The following ITGA9 variants were observed in gnomAD, a reference collection of about 807,000 sequenced individuals.
ITGA9 encodes the protein integrin alpha-9.
Under a neutral mutation model 127.8 loss-of-function variants are expected in ITGA9, and 56 were observed. That is an observed-to-expected ratio of 0.44 (90% confidence interval 0.35 to 0.55). The LOEUF is 0.55. Among genes scored for constraint, ITGA9 ranks in the 20% least tolerant of loss-of-function variants. ITGA9 has a pLI of 0.00. For missense variants in ITGA9, 1,196 were observed against 1,347.1 expected (o/e 0.89, Z 1.76); for synonymous variants, 508 against 514.5 (o/e 0.99, Z 0.17).
chr3:37,660,272 GA>G (rs1700521071), intron 17 of ITGA9, among the ~76,000 whole-genome samples: 1 of 152,084 alleles, frequency 6.6e-6, no homozygotes, highest in East Asian at 1.9e-4. Flanking sequence ...GTGTTTTAGG[GA>G]AAAAATAACA....
rs1697224152 is a variant in ITGA9 at position 37,800,465 on chromosome 3, A to G, written c.2890-3358A>G. Among the ~76,000 whole-genome samples, 2 of 152,176 alleles carry G rather than the reference A, an allele frequency of 1.3e-5. 1 individual carries two copies. Among genetic ancestry groups the G allele is most frequent in the South Asian group, 4.1e-4 (2 of 4,828 alleles). ...GCGCTCCTCCCTCTCCATCTTTCCT[A>G]ACAGTTCCTCACAGTTCATCTGTAC... On this transcript the variant is annotated intron_variant, in intron 26 of 27. Transcript: ENST00000264741.
At chr3:37,659,082 C>G (rs1439898166) in intron 17 of ITGA9, among the ~76,000 whole-genome samples, 2 of 152,174 alleles carry the variant, frequency 1.3e-5, no homozygotes, top group Non-Finnish European at 2.9e-5. Context: ...GTGGGTAACC[C>G]AACCTTTCTC....
chr3:37,655,936 T>C (rs1456865945), intron 17 of ITGA9, among the ~76,000 whole-genome samples: 3 of 152,226 alleles, frequency 2.0e-5, no homozygotes, highest in Admixed American at 2.0e-4. Context: ...CCCAACACCA[T>C]TTATTAAGTA....
At chr3:37,768,005 T>C (rs1361908500) in intron 23 of ITGA9, among the ~76,000 whole-genome samples, 1 of 152,156 alleles carries the variant, frequency 6.6e-6, no homozygotes, top group Non-Finnish European at 1.5e-5. Context: ...TTAGAGTAAA[T>C]GAACAGAGCC....
intron 14 of ITGA9, among the ~76,000 whole-genome samples, chr3:37,535,089 A>G (rs532248426): frequency 2.0e-5 from 3 of 152,364 alleles, no homozygotes; most frequent in African/African-American, 7.2e-5. Flanking sequence ...GAACTCTCAA[A>G]AAGGGCAAAC....
intron 16 of ITGA9, among the ~76,000 whole-genome samples, chr3:37,634,760 C>G (rs1371394628): frequency 6.6e-6 from 1 of 152,178 alleles, no homozygotes; most frequent in Non-Finnish European, 1.5e-5. Context: ...GTCTAACAGA[C>G]ATATACACAA....
chr3:37,602,505 A>G (rs924266148), intron 15 of ITGA9, among the ~76,000 whole-genome samples: 2 of 152,192 alleles, frequency 1.3e-5, no homozygotes, highest in Non-Finnish European at 2.9e-5. Context: ...AATGAAATGT[A>G]TCAAGCAGAA....
At chr3:37,786,519 G>A (rs780519313) in intron 26 of ITGA9, among the ~76,000 whole-genome samples, 4 of 152,076 alleles carry the variant, frequency 2.6e-5, no homozygotes, top group Non-Finnish European at 5.9e-5. Context: ...CTTGAAACCC[G>A]GAGGCGGAGG....
intron 15 of ITGA9, among the ~76,000 whole-genome samples, chr3:37,559,100 C>A (rs1699460357): frequency 6.6e-6 from 1 of 152,204 alleles, no homozygotes; most frequent in Non-Finnish European, 1.5e-5. Flanking sequence ...CCCCAAAACA[C>A]TTTATTTCTC....
chr3:37,520,288 T>G (rs781571370), intron 11 of ITGA9, among the ~76,000 whole-genome samples: 17 of 152,146 alleles, frequency 1.1e-4, no homozygotes, highest in Non-Finnish European at 2.2e-4. Flanking sequence ...AGACAGGGCT[T>G]TGGGAGGCGC....
intron 18 of ITGA9, among the ~76,000 whole-genome samples, chr3:37,712,176 T>C (rs1406777152): frequency 1.3e-5 from 2 of 151,550 alleles, no homozygotes; most frequent in South Asian, 4.2e-4. Flanking sequence ...AGGGAACTCA[T>C]GTGAGCCCTG....
chr3:37,493,700 A>T (rs174830), intron 4 of ITGA9, among the ~76,000 whole-genome samples: 1 of 151,960 alleles, frequency 6.6e-6, no homozygotes, highest in Non-Finnish European at 1.5e-5. Context: ...CTGAGCCTCA[A>T]TATTCTTACC....
At chr3:37,530,717 GTTT>G in intron 13 of ITGA9, among the ~76,000 whole-genome samples, 2 of 86,254 alleles carry the variant, frequency 2.3e-5, no homozygotes, top group Admixed American at 1.5e-4. Flanking sequence ...CAGCTACCAG[GTTT>G]TTTTTTTTTT....
intron 18 of ITGA9, among the ~76,000 whole-genome samples, chr3:37,707,510 C>T (rs796804037): frequency 1.2e-4 from 19 of 152,132 alleles, no homozygotes; most frequent in African/African-American, 4.6e-4. Context: ...CATTTTTTGT[C>T]ATGCATCTTC....
At chr3:37,743,431 C>A (rs1480908543) in intron 21 of ITGA9, among the ~76,000 whole-genome samples, 5 of 152,210 alleles carry the variant, frequency 3.3e-5, no homozygotes, top group Non-Finnish European at 7.3e-5. Context: ...AAAATGCTAT[C>A]AATGAACGGA....
At chr3:37,483,710 G>T (rs1698580399) in intron 4 of ITGA9, among the ~76,000 whole-genome samples, 1 of 152,222 alleles carries the variant, frequency 6.6e-6, no homozygotes, top group African/African-American at 2.4e-5. Flanking sequence ...GGACAGAGGT[G>T]CTGGCAGGTG....
chr3:37,693,379 G>A (rs1346692244), intron 18 of ITGA9, among the ~76,000 whole-genome samples: 1 of 152,176 alleles, frequency 6.6e-6, no homozygotes, highest in African/African-American at 2.4e-5. Flanking sequence ...AGGCAGTAAA[G>A]CACCAGGTCA....
chr3:37,526,050 C>CCGACAGCGTGGTT lies in ITGA9; in HGVS notation c.1354_1366dup (p.Leu456ArgfsTer67). ...GATGTCACTGTTGGAGCCTTCATGT[C>CCGACAGCGTGGTT]CGACAGCGTGGTTCTTCTCAGGTGA... is the stretch of plus-strand genomic sequence containing the variant. On this transcript the variant is annotated frameshift_variant, in exon 13 of 28. Transcript: ENST00000264741. LOFTEE classifies it high-confidence loss of function. 6.2e-7 allele frequency: 1 copy of CCGACAGCGTGGTT among 1,614,066 alleles called. No homozygotes were observed. Among genetic ancestry groups the CCGACAGCGTGGTT allele is most frequent in the Non-Finnish European group, 8.5e-7 (1 of 1,179,984 alleles).
intron 16 of ITGA9, among the ~76,000 whole-genome samples, chr3:37,636,682 G>C (rs1445979755): frequency 6.6e-6 from 1 of 152,190 alleles, no homozygotes; most frequent in African/African-American, 2.4e-5. Context: ...ATTGCTTTTG[G>C]TGATTTAGAC....
Sources: allele counts gnomAD v4.1 joint callset (sites outside exome capture counted in the v4.1 genomes callset), GRCh38; gene constraint gnomAD v4.1.1; transcripts MANE v1.5; gene names NCBI Gene and HGNC (gene_info 2026-07-23, HGNC 2026-07-21).